The following ZNF804B variants were observed in gnomAD, a reference collection of about 807,000 sequenced individuals.
The protein encoded by ZNF804B is zinc finger protein 804B, also known as zinc finger 804B.
Under a neutral mutation model 101.4 loss-of-function variants are expected in ZNF804B, and 80 were observed. The observed-to-expected ratio is 0.79, with a 90% CI of 0.66 to 0.95. The LOEUF (loss-of-function observed/expected upper bound fraction) is 0.95. Ranked by LOEUF, ZNF804B falls within the 40% of genes least tolerant of loss-of-function variation. The pLI is 0.00. For synonymous variants in ZNF804B, 622 were observed against 558.8 expected (o/e 1.11, Z -1.59); for missense variants, 1,673 against 1,561.9 (o/e 1.07, Z -1.20).
intron 1 of ZNF804B, among the ~76,000 whole-genome samples, chr7:88,808,243 A>G (rs1052186635): frequency 1.3e-5 from 2 of 152,020 alleles, no homozygotes; most frequent in African/African-American, 2.4e-5. Context: ...TTAGCCAGGC[A>G]TGGTGGCATG....
Position 88,868,396 on chromosome 7 carries a change from T to TCTGTC in ZNF804B, c.108+108314_108+108315insGTCCT, listed in dbSNP as rs1372868661. ...AAAGGTATTTGAGTATAATATGTAATCTATTATTTTCTCATTACTTCTACC... is the reference window on the plus strand; with the variant it reads ...AAAGGTATTTGAGTATAATATGTAATCTGTCCTATTATTTTCTCATTACTTCTACC... On this transcript the variant is annotated intron_variant, in intron 1 of 3. Coordinates refer to ENST00000333190, the MANE Select transcript of ZNF804B (RefSeq NM_181646.5). Among the ~76,000 whole-genome samples the TCTGTC allele has an allele frequency of 1.6e-4, 24 of 152,316 alleles. No individual in the cohort carries two copies. In the South Asian group the frequency reaches 2.5e-3, roughly 16 times the overall value.
At chr7:88,775,021 C>A (rs1011786007) in intron 1 of ZNF804B, among the ~76,000 whole-genome samples, 2 of 151,976 alleles carry the variant, frequency 1.3e-5, no homozygotes, top group Non-Finnish European at 2.9e-5. Flanking sequence ...TTACAGGTAC[C>A]GGTGATAGTG....
At chr7:89,145,688 A>G (rs1200176232) in intron 1 of ZNF804B, among the ~76,000 whole-genome samples, 1 of 151,986 alleles carries the variant, frequency 6.6e-6, no homozygotes, top group Non-Finnish European at 1.5e-5. Flanking sequence ...ACATATACTT[A>G]TTTCCCACTC....
chr7:88,838,273 G>GA, intron 1 of ZNF804B, among the ~76,000 whole-genome samples: 1 of 151,740 alleles, frequency 6.6e-6, no homozygotes, highest in East Asian at 1.9e-4. Flanking sequence ...ATAGATAATG[G>GA]AAAAATGAGA....
chr7:89,035,480 ATG>A (rs71120053), intron 1 of ZNF804B, among the ~76,000 whole-genome samples: 44,684 of 151,368 alleles, frequency 0.3, 6,898 homozygotes, highest in East Asian at 0.52. Context: ...ATAGGAAATT[ATG>A]TGTGTGTGTG....
At chr7:88,835,005 T>G (rs917706322) in intron 1 of ZNF804B, among the ~76,000 whole-genome samples, 5 of 151,846 alleles carry the variant, frequency 3.3e-5, no homozygotes, top group African/African-American at 1.2e-4. Flanking sequence ...GAAAAGACAC[T>G]ACTGAACTTT....
At chr7:88,989,699 G>C (rs1367983457) in intron 1 of ZNF804B, among the ~76,000 whole-genome samples, 1 of 151,918 alleles carries the variant, frequency 6.6e-6, no homozygotes, top group South Asian at 2.1e-4. Context: ...TTATAATTTT[G>C]CTCTTTTATG....
intron 1 of ZNF804B, among the ~76,000 whole-genome samples, chr7:88,978,663 A>T (rs114524309): frequency 1.3e-5 from 2 of 150,552 alleles, no homozygotes; most frequent in Non-Finnish European, 3.0e-5. Flanking sequence ...TAATTTAGTC[A>T]TCTACTCTGT....
chr7:89,334,626 C>T lies in ZNF804B; in HGVS notation c.1644C>T (p.Phe548=), dbSNP rs1307179091. The part of the protein sequence containing the change: ...TMIANPDWEK[F]QRKYNLDYSD... Reference sequence around the variant, plus strand: ...TAGCTAATCCGGATTGGGAAAAATTCCAGAGGAAATATAATTTGGACTACA... The same window carrying T: ...TAGCTAATCCGGATTGGGAAAAATTTCAGAGGAAATATAATTTGGACTACA... Residue 548 remains phenylalanine, a synonymous_variant, in exon 4 of 4, where the codon TTC becomes TTT. Coordinates refer to ENST00000333190, the MANE Select transcript of ZNF804B (RefSeq NM_181646.5). The T allele has an allele frequency of 4.3e-6, 7 of 1,613,660 alleles. No individual in the cohort carries two copies. The highest frequency in any genetic ancestry group is 1.7e-5 in the Admixed American group (1 of 59,892).
At chr7:88,917,210 A>C (rs1792646611) in intron 1 of ZNF804B, among the ~76,000 whole-genome samples, 2 of 152,246 alleles carry the variant, frequency 1.3e-5, no homozygotes, top group Admixed American at 6.5e-5. Flanking sequence ...GGTTGCAGTG[A>C]GCCGAGATCG....
chr7:89,228,920 A>G (rs1034754716), intron 2 of ZNF804B, among the ~76,000 whole-genome samples: 2 of 152,178 alleles, frequency 1.3e-5, no homozygotes. Flanking sequence ...GCCCCGCGGG[A>G]AGGCAGCTAA....
chr7:89,172,243 T>G (rs1456635051), intron 1 of ZNF804B, among the ~76,000 whole-genome samples: 1 of 152,142 alleles, frequency 6.6e-6, no homozygotes, highest in Non-Finnish European at 1.5e-5. Flanking sequence ...AAAATATGAC[T>G]TTTTGACAAC....
chr7:88,825,079 G>C (rs1791033804), intron 1 of ZNF804B, among the ~76,000 whole-genome samples: 1 of 152,094 alleles, frequency 6.6e-6, no homozygotes, highest in Non-Finnish European at 1.5e-5. Context: ...ATCTGGTTCT[G>C]TATTCAAAGG....
At chr7:89,081,788 A>G (rs1384828569) in intron 1 of ZNF804B, among the ~76,000 whole-genome samples, 1 of 151,758 alleles carries the variant, frequency 6.6e-6, no homozygotes, top group Non-Finnish European at 1.5e-5. Flanking sequence ...TTTGGGTGTT[A>G]TAGATCATGT....
intron 1 of ZNF804B, among the ~76,000 whole-genome samples, chr7:89,198,404 A>T (rs1157954432): frequency 6.6e-6 from 1 of 151,966 alleles, no homozygotes; most frequent in Non-Finnish European, 1.5e-5. Context: ...ATTTATGTTT[A>T]CAATAATATT....
intron 2 of ZNF804B, among the ~76,000 whole-genome samples, chr7:89,256,720 C>T (rs1789636656): frequency 6.6e-6 from 1 of 152,074 alleles, no homozygotes; most frequent in Non-Finnish European, 1.5e-5. Flanking sequence ...ACATATGAAA[C>T]AACACATCTA....
chr7:89,194,071 G>T (rs1269564436), intron 1 of ZNF804B, among the ~76,000 whole-genome samples: 1 of 152,124 alleles, frequency 6.6e-6, no homozygotes, highest in African/African-American at 2.4e-5. Context: ...CAGTGATGGT[G>T]AGCATTTTTT....
chr7:89,077,369 G>A (rs1789630721), intron 1 of ZNF804B, among the ~76,000 whole-genome samples: 3 of 152,112 alleles, frequency 2.0e-5, no homozygotes, highest in South Asian at 4.1e-4. Flanking sequence ...TTCAAATGTA[G>A]ATGTTTCTGA....
chr7:89,006,839 T>C (rs777233517), intron 1 of ZNF804B, among the ~76,000 whole-genome samples: 17 of 152,098 alleles, frequency 1.1e-4, no homozygotes, highest in Non-Finnish European at 2.4e-4. Flanking sequence ...ACTGATCACA[T>C]TATTATTTTC....
Sources: allele counts gnomAD v4.1 joint callset (sites outside exome capture counted in the v4.1 genomes callset), GRCh38; gene constraint gnomAD v4.1.1; transcripts MANE v1.5; gene names NCBI Gene and HGNC (gene_info 2026-07-23, HGNC 2026-07-21).